Variants in ITGAE observed in about 807,000 individuals in gnomAD.
The protein encoded by ITGAE is integrin alpha-E.
A neutral mutation model predicts 136.5 loss-of-function variants in ITGAE; 99 were observed. The observed-to-expected ratio is 0.73, with a 90% CI of 0.62 to 0.86. ITGAE has a LOEUF of 0.86. Among genes scored for constraint, ITGAE ranks in the 40% least tolerant of loss-of-function variants. The pLI, the probability that ITGAE is intolerant of heterozygous loss-of-function variation, is 0.00. For missense variants in ITGAE, 1,447 were observed against 1,515.3 expected (o/e 0.95, Z 0.75); for synonymous variants, 613 against 591.8 (o/e 1.04, Z -0.52).
intron 26 of ITGAE, 179 bp from the exon 27 acceptor site, chr17:3,723,923 G>C (rs953783175): frequency 6.5e-7 from 1 of 1,542,824 alleles, no homozygotes. Context: ...GAACCTCTTG[G>C]CGGGTGCCGG....
In ITGAE at chr17:3,779,488, C is replaced by T. The variant is rs138413700; in HGVS notation, c.35-1828G>A. ...GATTACAGGCGCCTGCCACCATGCC[C>T]GGCTAATTTTTTGTATTTTTAGTAG... On this transcript the variant is annotated intron_variant, in intron 1 of 30. Coordinates refer to ENST00000263087, the MANE Select transcript of ITGAE (RefSeq NM_002208.5). 5.6e-3 allele frequency among the ~76,000 whole-genome samples: 856 copies of T among 151,980 alleles called. 6 individuals carry two copies. Among genetic ancestry groups the T allele is most frequent in the African/African-American group, 0.02 (823 of 41,454 alleles).
chr17:3,772,628 T>C (rs2052453923), intron 2 of ITGAE, among the ~76,000 whole-genome samples: 1 of 152,080 alleles, frequency 6.6e-6, no homozygotes, highest in Non-Finnish European at 1.5e-5. Context: ...CACGCCCAGA[T>C]AATTTTTGTA....
Position 3,719,234 on chromosome 17 carries a change from T to TAAAAAAAAAAAAAAAA in ITGAE, c.3333+1072_3333+1073insTTTTTTTTTTTTTTTT, listed in dbSNP as rs2050999265. ...CTGGGCGACACAGTGAGATTCTTCC[T>TAAAAAAAAAAAAAAAA]CAAAAAAAAAAAAAAAAAAAAAGAA... On this transcript the variant is annotated intron_variant, in intron 29 of 30. Transcript: ENST00000263087. 1.2e-3 allele frequency among the ~76,000 whole-genome samples: 42 copies of TAAAAAAAAAAAAAAAA among 34,444 alleles called. 2 individuals carry two copies. Among genetic ancestry groups the TAAAAAAAAAAAAAAAA allele is most frequent in the African/African-American group, 4.8e-3 (38 of 7,896 alleles). 22.6% of individuals were successfully genotyped at this position (34,444 alleles called of 152,430 possible). A position where few individuals can be genotyped will look rare whatever the true frequency, so the allele number is the denominator to read the frequency against.
intron 27 of ITGAE, 92 bp downstream of exon 27, chr17:3,723,596 A>C (rs375434750): frequency 7.5e-7 from 1 of 1,331,588 alleles, no homozygotes; most frequent in East Asian, 2.5e-5. Context: ...ACTGGCCGGC[A>C]GGGGTAACCC....
At chr17:3,723,239 C>T (rs1222632558) in intron 28 of ITGAE, 49 bp downstream of exon 28, 2 of 1,212,248 alleles carry the variant, frequency 1.6e-6, no homozygotes, top group Non-Finnish European at 2.5e-6. Context: ...AGGGGCGATG[C>T]CCGTGAGCAA....
intron 1 of ITGAE, among the ~76,000 whole-genome samples, chr17:3,794,761 C>T (rs2053023458): frequency 6.6e-6 from 1 of 152,066 alleles, no homozygotes; most frequent in Non-Finnish European, 1.5e-5. Context: ...AAAAACAGGA[C>T]GTCAGCAAAC....
intron 24 of ITGAE, 155 bp from the exon 25 acceptor site, chr17:3,728,323 C>T (rs2051262799): frequency 1.5e-6 from 1 of 647,190 alleles, no homozygotes; most frequent in Non-Finnish European, 2.8e-6. Context: ...CCACCTCAGC[C>T]TGGGAAAGTG....
intron 9 of ITGAE, 25 bp from the exon 10 acceptor site, chr17:3,757,159 A>G: frequency 6.2e-7 from 1 of 1,611,084 alleles, no homozygotes; most frequent in South Asian, 1.1e-5. Flanking sequence ...TGGGTCAGCG[A>G]GTCAGCGCTG....
chr17:3,716,741 C>A lies in ITGAE; in HGVS notation c.3391G>T (p.Gly1131Cys), dbSNP rs201136101. 4.5e-5 allele frequency: 72 copies of A among 1,612,482 alleles called. No individual in the cohort carries two copies. The highest frequency in any genetic ancestry group is 6.0e-5 in the Non-Finnish European group (71 of 1,178,644). The change falls in exon 30 of 31, where the codon GGC (glycine) becomes TGC (cysteine). Residue 1131 changes from glycine (G) to cysteine (C), a missense_variant. Physicochemically the swap from Gly to Cys is radical, Grantham distance 159. Around this residue, in one of 3 missense-constraint regions of ITGAE, gnomAD observed 1,031 missense variants for 1,011.4 expected, o/e 1.02. Coordinates refer to ENST00000263087, the MANE Select transcript of ITGAE (RefSeq NM_002208.5). ...AACACCAGAAGTCCACCAACGCTGC[C>A]TTTAATGATGATAGGCAAAGAATGG... ...KYHSLPIIIK[G>C]SVGGLLVLIV...
chr17:3,797,036 C>T (rs955196188), intron 1 of ITGAE, among the ~76,000 whole-genome samples: 1 of 151,966 alleles, frequency 6.6e-6, no homozygotes, highest in African/African-American at 2.4e-5. Context: ...CAACTCCACC[C>T]CAAACCTCAC....
Position 3,765,247 on chromosome 17 carries a change from C to G in ITGAE, c.156-1287G>C, listed in dbSNP as rs184176635. Among the ~76,000 whole-genome samples the G allele has an allele frequency of 2.0e-3, 296 of 146,080 alleles. 3 individuals are homozygous for G. The highest frequency in any genetic ancestry group is 6.8e-3 in the African/African-American group (269 of 39,548). ...GCCTGTAGTCCCAGCTACTCGGGAG[C>G]CTGAGGCAGGAGAATGGTGTGAACC... On this transcript the variant is annotated intron_variant, in intron 2 of 30. Coordinates refer to ENST00000263087, the MANE Select transcript of ITGAE (RefSeq NM_002208.5).
chr17:3,720,210 C>T, intron 29 of ITGAE, 97 bp downstream of exon 29: 1 of 658,256 alleles, frequency 1.5e-6, no homozygotes, highest in Non-Finnish European at 2.8e-6. Flanking sequence ...AGTGTTAAGG[C>T]TGAAAACAGG....
At chr17:3,797,319 C>T (rs1254779563) in intron 1 of ITGAE, among the ~76,000 whole-genome samples, 4 of 150,910 alleles carry the variant, frequency 2.7e-5, no homozygotes, top group South Asian at 2.1e-4. Context: ...GCACCCGCCA[C>T]CATGCCCAGC....
In ITGAE at chr17:3,801,136, G is replaced by A. The variant is rs1379823516; in HGVS notation, c.9C>T (p.Leu3=). 6.2e-7 allele frequency: 1 copy of A among 1,612,018 alleles called. No homozygotes were observed. The highest frequency in any genetic ancestry group is 8.5e-7 in the Non-Finnish European group (1 of 1,180,020). The part of the protein sequence containing the change: MW[L]FHTLLCIASL... The stretch of plus-strand genomic sequence containing the variant: ...TGGCTATGCAGAGCAGAGTGTGGAA[G>A]AGCCACATCCTTGCTGGAGCAGAGG... Residue 3 remains leucine, a synonymous_variant, in exon 1 of 31, where the codon CTC becomes CTT. Coordinates refer to ENST00000263087, the MANE Select transcript of ITGAE (RefSeq NM_002208.5).
At chr17:3,784,120 C>T (rs894663412) in intron 1 of ITGAE, among the ~76,000 whole-genome samples, 31 of 151,842 alleles carry the variant, frequency 2.0e-4, no homozygotes, top group Admixed American at 6.6e-5. Flanking sequence ...ATTAGCCGGG[C>T]GTGGTGGCGG....
At chr17:3,727,384 G>A (rs1194187768) in intron 26 of ITGAE, among the ~76,000 whole-genome samples, 1 of 149,712 alleles carries the variant, frequency 6.7e-6, no homozygotes, top group Non-Finnish European at 1.5e-5. Flanking sequence ...TCTGTCTACT[G>A]ACAAGGTTTT....
At chr17:3,771,014 C>A (rs376829757) in intron 2 of ITGAE, among the ~76,000 whole-genome samples, 1 of 152,034 alleles carries the variant, frequency 6.6e-6, no homozygotes, top group Non-Finnish European at 1.5e-5. Flanking sequence ...AATTGCATAA[C>A]TTCTGACCCA....
At chr17:3,759,955 G>A (rs759428176) in intron 7 of ITGAE, among the ~76,000 whole-genome samples, 11 of 152,220 alleles carry the variant, frequency 7.2e-5, no homozygotes, top group Admixed American at 2.0e-4. Flanking sequence ...GTCCAGACAA[G>A]TAAGTGAGGT....
chr17:3,739,898 C>A lies in ITGAE; in HGVS notation c.2449-20G>T, dbSNP rs2051544706. On this transcript the variant is annotated intron_variant, in intron 19 of 30. Coordinates refer to ENST00000263087, the MANE Select transcript of ITGAE (RefSeq NM_002208.5). ...GGGCAGCTGTAACCAGACAGAGAGTCCCGATCAGCCCAGGCTCCGCCTTCC... is the reference window on the plus strand; with the variant it reads ...GGGCAGCTGTAACCAGACAGAGAGTACCGATCAGCCCAGGCTCCGCCTTCC... 6.2e-7 allele frequency: 1 copy of A among 1,604,486 alleles called. No individual in the cohort carries two copies. The highest frequency in any genetic ancestry group is 8.5e-7 in the Non-Finnish European group (1 of 1,171,240).
Sources: allele counts gnomAD v4.1 joint callset (sites outside exome capture counted in the v4.1 genomes callset), GRCh38; gene constraint gnomAD v4.1.1; regional missense constraint gnomAD v4.1.1; transcripts MANE v1.5; gene names NCBI Gene and HGNC (gene_info 2026-07-23, HGNC 2026-07-21).